Variants in NHERF2 observed in about 807,000 individuals in gnomAD.
NHERF2 encodes NHERF family PDZ scaffold protein 2.
At chr16:2,037,181 T>G in the NHERF2 span, among the ~76,000 whole-genome samples, 1 of 152,176 alleles carries the variant, frequency 6.6e-6, no homozygotes, top group Non-Finnish European at 1.5e-5. Context: ...ACAAGCCACG[T>G]GGGGCCCCTG....
the NHERF2 span, among the ~76,000 whole-genome samples, chr16:2,037,376 C>T: frequency 2.6e-5 from 4 of 152,134 alleles, no homozygotes; most frequent in East Asian, 1.9e-4. Flanking sequence ...CACTGCCAGG[C>T]GCCCGGTGCC....
At chr16:2,037,765 A>C in the NHERF2 span, 7 of 1,550,432 alleles carry the variant, frequency 4.5e-6, no homozygotes, top group East Asian at 2.4e-5. Context: ...AGGAGGGGCC[A>C]CCGTCTGGGG....
chr16:2,031,014 TGAGAACCGCGCTTGGGGCAGG>T, the NHERF2 span, among the ~76,000 whole-genome samples: 878 of 152,208 alleles, frequency 5.8e-3, 5 homozygotes, highest in East Asian at 0.022. Context: ...GACCCCACTG[TGAGAACCGCGCTTGGGGCAGG>T]GGTGTGGGAT....
At chr16:2,038,051 C>G in the NHERF2 span, 1 of 1,575,228 alleles carries the variant, frequency 6.3e-7, no homozygotes, top group Non-Finnish European at 8.7e-7. Flanking sequence ...CAGCCTGCCC[C>G]GAGCTCCCCC....
the NHERF2 span, chr16:2,029,544 T>TGGGCTCC: frequency 2.6e-6 from 4 of 1,536,470 alleles, no homozygotes; most frequent in Non-Finnish European, 3.5e-6. Context: ...GCCCGGAATG[T>TGGGCTCC]GGGCCACTGA....
chr16:2,037,307 C>T, the NHERF2 span, among the ~76,000 whole-genome samples: 1 of 152,226 alleles, frequency 6.6e-6, no homozygotes, highest in East Asian at 1.9e-4. Context: ...TTGCTCACGC[C>T]GGCCATTCCT....
At chr16:2,036,208 G>C in the NHERF2 span, 1 of 1,083,930 alleles carries the variant, frequency 9.2e-7, no homozygotes, top group Non-Finnish European at 1.3e-6. Flanking sequence ...ACTGAGACCT[G>C]GGCCTGCCCG....
chr16:2,027,271 C>T, the NHERF2 span: 6 of 1,150,910 alleles, frequency 5.2e-6, no homozygotes, highest in African/African-American at 8.1e-5. Flanking sequence ...AGCGCGTCCC[C>T]CTGGGGCGAG....
At chr16:2,029,495 G>C in the NHERF2 span, 1 of 1,298,226 alleles carries the variant, frequency 7.7e-7, no homozygotes, top group Non-Finnish European at 1.1e-6. Flanking sequence ...CTGTCCGCAC[G>C]CCTGGGCCAG....
At chr16:2,035,130 T>C in the NHERF2 span, among the ~76,000 whole-genome samples, 1 of 152,076 alleles carries the variant, frequency 6.6e-6, no homozygotes, top group Non-Finnish European at 1.5e-5. Flanking sequence ...AGGCTTCAGA[T>C]GAGGCATCTG....
chr16:2,034,748 C>T, the NHERF2 span, among the ~76,000 whole-genome samples: 1 of 141,168 alleles, frequency 7.1e-6, no homozygotes, highest in East Asian at 2.2e-4. Flanking sequence ...CCCACGCCTT[C>T]CCTCCGTCCC....
chr16:2,036,736 G>A, the NHERF2 span: 48 of 1,612,422 alleles, frequency 3.0e-5, no homozygotes, highest in South Asian at 5.1e-4. Context: ...AGGTGAACGG[G>A]CAGAATGTGG....
the NHERF2 span, chr16:2,037,556 T>C: frequency 6.2e-7 from 1 of 1,612,332 alleles, no homozygotes; most frequent in Non-Finnish European, 8.5e-7. Context: ...TGGCTCTGCG[T>C]GCTCGTCCCG....
At chr16:2,033,050 T>G in the NHERF2 span, 4 of 1,285,442 alleles carry the variant, frequency 3.1e-6, no homozygotes, top group Non-Finnish European at 3.0e-6. Flanking sequence ...GGGCCGGGAC[T>G]CCTCCCTGTC....
At chr16:2,028,308 T>A in the NHERF2 span, among the ~76,000 whole-genome samples, 2 of 152,204 alleles carry the variant, frequency 1.3e-5, no homozygotes, top group Non-Finnish European at 2.9e-5. Flanking sequence ...TAAGGTTGTT[T>A]GCTGAAGAAT....
the NHERF2 span, among the ~76,000 whole-genome samples, chr16:2,028,302 G>A: frequency 3.4e-4 from 52 of 152,358 alleles, no homozygotes; most frequent in South Asian, 6.4e-3. Context: ...GCTGTGTAAG[G>A]TTGTTTGCTG....
At chr16:2,036,603 G>C in the NHERF2 span, 1 of 1,524,936 alleles carries the variant, frequency 6.6e-7, no homozygotes, top group Non-Finnish European at 8.8e-7. Flanking sequence ...GGGAACCTGA[G>C]CTGGTGCGCC....
At chr16:2,033,679 C>A in the NHERF2 span, among the ~76,000 whole-genome samples, 1 of 152,164 alleles carries the variant, frequency 6.6e-6, no homozygotes, top group Non-Finnish European at 1.5e-5. Context: ...CTGTGCTGGC[C>A]GCCGGCAGGG....
the NHERF2 span, chr16:2,035,791 T>TA: frequency 1.5e-6 from 1 of 652,554 alleles, no homozygotes; most frequent in African/African-American, 2.0e-5. Context: ...CCCCAGCCCC[T>TA]GCTTGCTGGG....
Sources: allele counts gnomAD v4.1 joint callset (sites outside exome capture counted in the v4.1 genomes callset), GRCh38; gene constraint gnomAD v4.1.1; transcripts MANE v1.5; gene names NCBI Gene and HGNC (gene_info 2026-07-23, HGNC 2026-07-21).